Variants in PAX5 observed in about 807,000 individuals in gnomAD.
PAX5 encodes paired box 5.
In PAX5, 9 loss-of-function variants were observed where a neutral mutation model predicts 43.7. That is an observed-to-expected ratio of 0.21 (90% CI 0.12 to 0.36). The LOEUF is 0.36. PAX5 is among the 10% of genes least tolerant of loss of function. The probability of loss-of-function intolerance (pLI) is 1.00; values close to 1 mark genes in which losing one functional copy is unlikely to be tolerated. For missense variants in PAX5, 383 were observed against 532.7 expected (o/e 0.72, Z 2.77); for synonymous variants, 228 against 214.3 (o/e 1.06, Z -0.56).
chr9:36,994,264 C>CACCA (rs2132343294), intron 5 of PAX5, among the ~76,000 whole-genome samples: 1 of 152,282 alleles, frequency 6.6e-6, no homozygotes, highest in South Asian at 2.1e-4. Flanking sequence ...GAGAGTGGCC[C>CACCA]GCCAGGCAGG....
At chr9:36,958,210 T>C (rs1833657595) in intron 6 of PAX5, among the ~76,000 whole-genome samples, 1 of 152,078 alleles carries the variant, frequency 6.6e-6, no homozygotes, top group Non-Finnish European at 1.5e-5. Context: ...GCAGGGCCTC[T>C]AAATGTGCTG....
intron 6 of PAX5, chr9:36,930,740 G>T: frequency 6.6e-6 from 5 of 762,140 alleles, no homozygotes; most frequent in Non-Finnish European, 9.2e-6. Flanking sequence ...CTACCTCGAC[G>T]ATCATGAGAA....
intron 6 of PAX5, among the ~76,000 whole-genome samples, chr9:36,948,502 T>A (rs540494715): frequency 6.6e-6 from 1 of 152,298 alleles, no homozygotes; most frequent in South Asian, 2.1e-4. Flanking sequence ...ATCCTTACAG[T>A]ACAACCCAGA....
At position 36,838,975 on chromosome 9, in the gene PAX5, G is replaced by A. The variant is rs1821836748; in HGVS notation, c.*1585C>T. ...CATCCTGGTGACATACAGATATGGG[G>A]GACATTGTCACCTAAGAAGGCCAAG... On this transcript the variant is annotated 3_prime_UTR_variant, in exon 10 of 10. Coordinates refer to ENST00000358127, the MANE Select transcript of PAX5 (RefSeq NM_016734.3). The A allele has an allele frequency of 4.3e-6, 1 of 233,366 alleles. No homozygotes were observed. Among genetic ancestry groups the A allele is most frequent in the East Asian group, 6.0e-5 (1 of 16,582 alleles). 14.5% of individuals were successfully genotyped at this position (233,366 alleles called of 1,614,324 possible). A position where few individuals can be genotyped will look rare whatever the true frequency, so the allele number is the denominator to read the frequency against.
intron 7 of PAX5, among the ~76,000 whole-genome samples, chr9:36,888,104 C>T (rs533723022): frequency 6.6e-6 from 1 of 152,166 alleles, no homozygotes; most frequent in Non-Finnish European, 1.5e-5. Context: ...GGGAAGGTCA[C>T]AGTCAAAAAG....
chr9:37,025,606 T>A (rs1324233786), intron 1 of PAX5, among the ~76,000 whole-genome samples: 1 of 152,172 alleles, frequency 6.6e-6, no homozygotes, highest in Admixed American at 6.5e-5. Context: ...ACTTGGAATT[T>A]CCTTGAAATC....
chr9:36,940,163 C>A (rs918153352), intron 6 of PAX5, among the ~76,000 whole-genome samples: 1 of 152,182 alleles, frequency 6.6e-6, no homozygotes, highest in African/African-American at 2.4e-5. Context: ...GAGGCAATTG[C>A]GTTGGTCTCT....
chr9:36,946,518 T>C (rs1013814421), intron 6 of PAX5, among the ~76,000 whole-genome samples: 2 of 152,238 alleles, frequency 1.3e-5, no homozygotes, highest in African/African-American at 2.4e-5. Context: ...GAGGGGAATC[T>C]AATGACCAAT....
At position 36,836,813 on chromosome 9, in the gene PAX5, G is replaced by T. The variant is rs918855493; in HGVS notation, c.*3747C>A. 13 of 231,994 alleles carry T rather than the reference G, an allele frequency of 5.6e-5. No individual in the cohort carries two copies. Among genetic ancestry groups the T allele is most frequent in the African/African-American group, 2.7e-4 (12 of 45,268 alleles). The allele number at this position is 231,994 out of a possible 1,614,324, so 14.4% of individuals were successfully genotyped here. On this transcript the variant is annotated 3_prime_UTR_variant, in exon 10 of 10. Coordinates refer to ENST00000358127, the MANE Select transcript of PAX5 (RefSeq NM_016734.3). ...GAAGTGGGGGACAGCACATGACCTT[G>T]GCACCTGGACCCCTGGAGTCAGGGC...
At chr9:36,949,633 G>A (rs1419697056) in intron 6 of PAX5, among the ~76,000 whole-genome samples, 1 of 152,162 alleles carries the variant, frequency 6.6e-6, no homozygotes, top group Non-Finnish European at 1.5e-5. Context: ...AAAGTCACAA[G>A]CAGCTGCTTC....
Position 36,999,417 on chromosome 9 carries a change from G to C in PAX5, c.604+3231C>G, listed in dbSNP as rs956281568. On this transcript the variant is annotated intron_variant, in intron 5 of 9. Coordinates refer to ENST00000358127, the MANE Select transcript of PAX5 (RefSeq NM_016734.3). ...TGCCCTCCTCATCAGAGGAATTTCA[G>C]CTTGCCAGTCTTGCTCGCCACCTTA... 2.0e-5 allele frequency among the ~76,000 whole-genome samples: 3 copies of C among 152,154 alleles called. No individual in the cohort carries two copies. The South Asian group carries it at 6.2e-4, about 32-fold the overall frequency.
Position 37,002,718 on chromosome 9 carries a change from C to G in PAX5, c.534G>C (p.Ser178=), listed in dbSNP as rs906700483. Residue 178 remains serine, a synonymous_variant, in exon 5 of 10, where the codon TCG becomes TCC. Coordinates refer to ENST00000358127, the MANE Select transcript of PAX5 (RefSeq NM_016734.3). The part of the protein sequence containing the change: ...SSVSTDSAGS[S]YSISGILGIT... ...TGCCCAGGATGCCGCTGATGGAGTA[C>G]GACGAGCCGGCCGAATCCGTGCTCA... 3.0e-5 allele frequency: 48 copies of G among 1,610,218 alleles called. No individual in the cohort carries two copies. Among genetic ancestry groups the G allele is most frequent in the Middle Eastern group, 1.6e-4 (1 of 6,074 alleles).
intron 6 of PAX5, among the ~76,000 whole-genome samples, chr9:36,946,526 A>G (rs550282127): frequency 6.6e-6 from 1 of 152,308 alleles, no homozygotes; most frequent in East Asian, 1.9e-4. Flanking sequence ...TCTAATGACC[A>G]ATGTCAGTTG....
At chr9:36,958,328 G>T (rs1162542859) in intron 6 of PAX5, among the ~76,000 whole-genome samples, 1 of 151,592 alleles carries the variant, frequency 6.6e-6, no homozygotes, top group Non-Finnish European at 1.5e-5. Context: ...TTGAGGAACT[G>T]GACTCTCCTC....
At chr9:36,918,963 C>T (rs147852302) in intron 7 of PAX5, among the ~76,000 whole-genome samples, 1 of 152,298 alleles carries the variant, frequency 6.6e-6, no homozygotes, top group East Asian at 1.9e-4. Flanking sequence ...CACTCTTATA[C>T]TGAAAAAAGA....
intron 9 of PAX5, among the ~76,000 whole-genome samples, chr9:36,841,762 T>C (rs1487320325): frequency 6.6e-6 from 1 of 152,172 alleles, no homozygotes; most frequent in Non-Finnish European, 1.5e-5. Flanking sequence ...TCACCACTCA[T>C]TTCCTGACCC....
intron 7 of PAX5, among the ~76,000 whole-genome samples, chr9:36,900,774 C>T (rs1447350513): frequency 6.6e-6 from 1 of 152,190 alleles, no homozygotes; most frequent in Non-Finnish European, 1.5e-5. Flanking sequence ...CACCTGTGTC[C>T]ATGCCCCCAG....
chr9:36,943,455 C>A (rs1237121724), intron 6 of PAX5, among the ~76,000 whole-genome samples: 1 of 151,032 alleles, frequency 6.6e-6, no homozygotes, highest in Non-Finnish European at 1.5e-5. Context: ...CTTCACAGTA[C>A]AATAAAGCTG....
chr9:36,938,087 T>C (rs1289322040), intron 6 of PAX5, among the ~76,000 whole-genome samples: 1 of 152,208 alleles, frequency 6.6e-6, no homozygotes, highest in East Asian at 1.9e-4. Flanking sequence ...TTAGCTAATG[T>C]CAATAATCTA....
Sources: gnomAD v4.1 joint callset for allele counts (sites outside exome capture counted in the v4.1 genomes callset) on GRCh38, gnomAD v4.1.1 for gene constraint, MANE v1.5 for transcripts, NCBI Gene and HGNC (gene_info 2026-07-23, HGNC 2026-07-21) for gene names.